The following KLHL1 variants were observed in gnomAD, a reference collection of about 807,000 sequenced individuals.
KLHL1 encodes kelch like family member 1.
Under a neutral mutation model 77.7 loss-of-function variants are expected in KLHL1, and 47 were observed. That is an observed-to-expected ratio of 0.60 (90% CI 0.48 to 0.77). KLHL1 has a LOEUF of 0.77. Among genes scored for constraint, KLHL1 ranks in the 30% least tolerant of loss-of-function variants. The pLI is 0.00. For missense variants in KLHL1, 925 were observed against 910.8 expected (o/e 1.02, Z -0.20); for synonymous variants, 360 against 325.2 (o/e 1.11, Z -1.15).
intron 6 of KLHL1, among the ~76,000 whole-genome samples, chr13:69,820,472 C>G (rs536610989): frequency 2.6e-5 from 4 of 152,038 alleles, no homozygotes; most frequent in Admixed American, 2.6e-4. Flanking sequence ...TACTCTCTGT[C>G]TCCTAGTGAT....
chr13:69,974,550 A>T (rs530917537), intron 2 of KLHL1, among the ~76,000 whole-genome samples: 3 of 152,106 alleles, frequency 2.0e-5, no homozygotes, highest in African/African-American at 7.2e-5. Context: ...AGACTACAAG[A>T]TTGAAGAAAT....
intron 8 of KLHL1, among the ~76,000 whole-genome samples, chr13:69,720,296 C>A (rs1432648407): frequency 1.3e-5 from 2 of 152,018 alleles, no homozygotes; most frequent in African/African-American, 4.8e-5. Flanking sequence ...ACAGTTTAAT[C>A]CTAATAAAAT....
At chr13:70,020,447 T>A (rs1360082082) in intron 1 of KLHL1, among the ~76,000 whole-genome samples, 1 of 152,168 alleles carries the variant, frequency 6.6e-6, no homozygotes, top group Non-Finnish European at 1.5e-5. Flanking sequence ...TCACACTTCA[T>A]TAAAAAGTCT....
chr13:70,037,360 A>G (rs1886265233), intron 1 of KLHL1, among the ~76,000 whole-genome samples: 1 of 152,046 alleles, frequency 6.6e-6, no homozygotes. Flanking sequence ...ATATAATTTC[A>G]GTATCTCTTG....
chr13:69,856,468 T>C (rs974243560), intron 5 of KLHL1, among the ~76,000 whole-genome samples: 2 of 152,032 alleles, frequency 1.3e-5, no homozygotes, highest in East Asian at 3.9e-4. Context: ...CCAGCATCCA[T>C]TAAACCCTGG....
At position 69,841,860 on chromosome 13, in the gene KLHL1, A is replaced by G. The variant is rs142221429; in HGVS notation, c.1228-2698T>C. Among the ~76,000 whole-genome samples the G allele has an allele frequency of 9.4e-3, 1,430 of 151,958 alleles. 22 individuals carry two copies. Among genetic ancestry groups the G allele is most frequent in the African/African-American group, 0.032 (1,319 of 41,492 alleles). Reference sequence around the variant, plus strand: ...ATAGATATATAGGCCAATGGAACAGAATAGAGAGGCCAGAAATAAAGCCAC... The same window carrying G: ...ATAGATATATAGGCCAATGGAACAGGATAGAGAGGCCAGAAATAAAGCCAC... On this transcript the variant is annotated intron_variant, in intron 5 of 10. Transcript: ENST00000377844.
intron 1 of KLHL1, among the ~76,000 whole-genome samples, chr13:70,105,502 A>G (rs1888031024): frequency 6.6e-6 from 1 of 151,516 alleles, no homozygotes; most frequent in African/African-American, 2.4e-5. Flanking sequence ...TGACAAACAC[A>G]CATAATGTTT....
chr13:69,837,782 G>A (rs1355084778), intron 6 of KLHL1, among the ~76,000 whole-genome samples: 1 of 150,506 alleles, frequency 6.6e-6, no homozygotes, highest in Non-Finnish European at 1.5e-5. Context: ...CCAGATGGAA[G>A]ACATTTTATT....
At chr13:69,967,320 GAA>G (rs1566454829) in intron 2 of KLHL1, among the ~76,000 whole-genome samples, 1 of 152,078 alleles carries the variant, frequency 6.6e-6, no homozygotes, top group African/African-American at 2.4e-5. Context: ...AACTAGTTTG[GAA>G]AAAGAGAAGA....
At chr13:69,785,199 T>A (rs1301715227) in intron 7 of KLHL1, among the ~76,000 whole-genome samples, 2 of 152,054 alleles carry the variant, frequency 1.3e-5, no homozygotes, top group Non-Finnish European at 2.9e-5. Flanking sequence ...GCCCAGAATA[T>A]ACATTTTTTT....
At chr13:69,901,606 C>G (rs938195595) in intron 4 of KLHL1, among the ~76,000 whole-genome samples, 1 of 152,054 alleles carries the variant, frequency 6.6e-6, no homozygotes, top group African/African-American at 2.4e-5. Context: ...TGTTTACAAT[C>G]TTACTGTAAC....
chr13:69,814,791 T>A (rs1878048654), intron 6 of KLHL1, among the ~76,000 whole-genome samples: 1 of 152,046 alleles, frequency 6.6e-6, no homozygotes, highest in South Asian at 2.1e-4. Flanking sequence ...GGCAGGTGGA[T>A]CATGAGATCA....
At chr13:69,984,491 T>C (rs1455613869) in intron 1 of KLHL1, among the ~76,000 whole-genome samples, 1 of 152,038 alleles carries the variant, frequency 6.6e-6, no homozygotes. Context: ...TAATAAAAGA[T>C]TAGGGTGGGG....
rs966717808 is a variant in KLHL1 at position 70,107,804 on chromosome 13, C to T, written c.-105G>A. 5 of 836,392 alleles carry T rather than the reference C, an allele frequency of 6.0e-6. No individual in the cohort carries two copies. Among genetic ancestry groups the T allele is most frequent in the East Asian group, 2.7e-5 (1 of 37,008 alleles). 51.8% of individuals were successfully genotyped at this position (836,392 alleles called of 1,614,324 possible). A position where few individuals can be genotyped will look rare whatever the true frequency, so the allele number is the denominator to read the frequency against. ...CGGGGGCGGAGGAAGAGGCGGGATG[C>T]GCCCTCTGCACCCCTAGAGCCAGAA... On this transcript the variant is annotated 5_prime_UTR_variant, in exon 1 of 11. Coordinates refer to ENST00000377844, the MANE Select transcript of KLHL1 (RefSeq NM_020866.3).
At chr13:69,912,798 C>A (rs2138246406) in intron 4 of KLHL1, among the ~76,000 whole-genome samples, 1 of 152,172 alleles carries the variant, frequency 6.6e-6, no homozygotes, top group Non-Finnish European at 1.5e-5. Context: ...GTCACAGTCC[C>A]TTGGCTGGTT....
At chr13:69,880,379 G>A (rs1880941540) in intron 5 of KLHL1, among the ~76,000 whole-genome samples, 1 of 151,990 alleles carries the variant, frequency 6.6e-6, no homozygotes, top group African/African-American at 2.4e-5. Context: ...CTGCACATCT[G>A]TTGTGAAGGT....
At position 69,940,038 on chromosome 13, in the gene KLHL1, A is replaced by G; in HGVS notation, c.1014+2T>C. 4.4e-6 allele frequency: 7 copies of G among 1,592,968 alleles called. No individual in the cohort carries two copies. Among genetic ancestry groups the G allele is most frequent in the Non-Finnish European group, 6.0e-6 (7 of 1,168,538 alleles). ...CATTATTAAAACATTAAGTTTCCTT[A>G]CCATTGTGTAGCTGTGGGCCACCTT... On this transcript the variant is annotated splice_donor_variant, in intron 4 of 10. Transcript: ENST00000377844. LOFTEE classifies it high-confidence loss of function.
chr13:70,033,536 G>A (rs1046418477), intron 1 of KLHL1, among the ~76,000 whole-genome samples: 6 of 145,638 alleles, frequency 4.1e-5, no homozygotes, highest in African/African-American at 1.0e-4. Flanking sequence ...CTCAATCTCC[G>A]ACCTCGTGAT....
At chr13:69,933,471 T>A (rs1883070357) in intron 4 of KLHL1, among the ~76,000 whole-genome samples, 1 of 152,292 alleles carries the variant, frequency 6.6e-6, no homozygotes, top group Non-Finnish European at 1.5e-5. Flanking sequence ...CTAGAAACCA[T>A]GAAACATGTC....
Sources: gnomAD v4.1 joint callset for allele counts (sites outside exome capture counted in the v4.1 genomes callset) on GRCh38, gnomAD v4.1.1 for gene constraint, MANE v1.5 for transcripts, NCBI Gene and HGNC (gene_info 2026-07-23, HGNC 2026-07-21) for gene names.